The following KIF9 variants were observed in gnomAD, a reference collection of about 807,000 sequenced individuals.
The protein encoded by KIF9 is kinesin family member 9, also known as kinesin-like protein KIF9.
A neutral mutation model predicts 94.8 loss-of-function variants in KIF9; 68 were observed. The observed-to-expected ratio is 0.72, with a 90% CI of 0.59 to 0.88. KIF9 has a LOEUF of 0.88. Ranked by LOEUF, KIF9 falls within the 40% of genes least tolerant of loss-of-function variation. The pLI is 0.00. For synonymous variants in KIF9, 343 were observed against 362.1 expected (o/e 0.95, Z 0.60); for missense variants, 882 against 982.5 (o/e 0.90, Z 1.37).
chr3:47,264,335 A>G lies in KIF9; in HGVS notation c.932T>C (p.Met311Thr), dbSNP rs750462760. The G allele has an allele frequency of 1.9e-6, 3 of 1,613,650 alleles. No homozygotes were observed. In the African/African-American group the frequency reaches 4.0e-5, roughly 22 times the overall value. The change falls in exon 9 of 21, where the codon ATG (methionine) becomes ACG (threonine). Residue 311 changes from methionine to threonine, a missense_variant. Transcript: ENST00000684063. ...TCCATAGATGTTTGTCACGAGGACC[A>G]TATTGCAGTTTCCCCCTGCGGAAAG... is the stretch of plus-strand genomic sequence containing the variant. ...LKDSLGGNCN[M>T]VLVTNIYGEA...
In KIF9 at chr3:47,243,080, G is replaced by C; in HGVS notation, c.1680C>G (p.Asp560Glu). Residue 560 changes from aspartate to glutamate, a missense_variant, in exon 16 of 21, where the codon GAC becomes GAG. Physicochemically the swap from Asp to Glu is conservative, Grantham distance 45. Coordinates refer to ENST00000684063, the MANE Select transcript of KIF9 (RefSeq NM_182902.4). Reference protein sequence around the residue: ...ETSSIEPLPSDSPKEELRPIR... With the variant: ...ETSSIEPLPSESPKEELRPIR... ...TTGGGCGTAATTCCTCCTTCGGGGA[G>C]TCTGAGGGAAGGGGCTCAATGCTGG... 1 of 1,612,546 alleles carries C rather than the reference G, an allele frequency of 6.2e-7. No individual in the cohort carries two copies. Among genetic ancestry groups the C allele is most frequent in the Non-Finnish European group, 8.5e-7 (1 of 1,178,640 alleles).
chr3:47,247,411 C>A lies in KIF9; in HGVS notation c.1195G>T (p.Val399Leu). ...AGTGTCCCCTCCAGGTACCTCCGCA[C>A]CTGGGAGTTGATCTCAGCAATCTGG... Reference protein sequence around the residue: ...EIQIAEINSQVRRYLEGTLDE... With the variant: ...EIQIAEINSQLRRYLEGTLDE... Residue 399 changes from valine to leucine, a missense_variant, in exon 12 of 21, where the codon GTG becomes TTG. By Grantham distance (32) the Val-to-Leu change is conservative (BLOSUM62 1). Coordinates refer to ENST00000684063, the MANE Select transcript of KIF9 (RefSeq NM_182902.4). 6.2e-7 allele frequency: 1 copy of A among 1,613,932 alleles called. No homozygotes were observed. The highest frequency in any genetic ancestry group is 8.5e-7 in the Non-Finnish European group (1 of 1,179,810).
intron 2 of KIF9, 70 bp downstream of exon 2, chr3:47,277,212 A>G: frequency 8.5e-7 from 1 of 1,173,680 alleles, no homozygotes; most frequent in South Asian, 1.3e-5. Context: ...GTTGCTTGGA[A>G]ATACGGTCAC....
chr3:47,235,170 T>G (rs1178688434), intron 20 of KIF9, among the ~76,000 whole-genome samples: 1 of 152,238 alleles, frequency 6.6e-6, no homozygotes, highest in Non-Finnish European at 1.5e-5. Context: ...CTCAGCTGCA[T>G]GTGATCCTCT....
chr3:47,256,990 G>GAGAC (rs1030731085), intron 10 of KIF9, among the ~76,000 whole-genome samples: 6 of 152,088 alleles, frequency 3.9e-5, no homozygotes, highest in Non-Finnish European at 7.4e-5. Context: ...CAAGTACCCG[G>GAGAC]AGACACAAAC....
intron 5 of KIF9, among the ~76,000 whole-genome samples, chr3:47,269,075 T>C (rs760508163): frequency 2.0e-5 from 3 of 152,140 alleles, no homozygotes; most frequent in Non-Finnish European, 4.4e-5. Context: ...CGCCTGGCCT[T>C]GCCTTGTCTT....
chr3:47,277,189 T>G, intron 2 of KIF9, 93 bp downstream of exon 2: 1 of 866,564 alleles, frequency 1.2e-6, no homozygotes, highest in Non-Finnish European at 1.9e-6. Flanking sequence ...AATTCTGTCT[T>G]GGTCCTTCAA....
intron 10 of KIF9, among the ~76,000 whole-genome samples, chr3:47,254,663 G>A (rs1456370397): frequency 2.6e-5 from 4 of 152,124 alleles, no homozygotes; most frequent in African/African-American, 9.7e-5. Flanking sequence ...ACAGCTAATG[G>A]AGGAAAGAGC....
intron 20 of KIF9, chr3:47,231,640 C>A (rs1031364883): frequency 6.6e-6 from 1 of 152,064 alleles, no homozygotes; most frequent in Non-Finnish European, 1.5e-5. Context: ...AGGCTGGTCT[C>A]GAACTCCTGG....
At chr3:47,260,546 G>T (rs62248910) in intron 9 of KIF9, among the ~76,000 whole-genome samples, 2 of 152,244 alleles carry the variant, frequency 1.3e-5, no homozygotes, top group African/African-American at 4.8e-5. Context: ...CTTCCACAGC[G>T]CTTGCTGTGG....
intron 20 of KIF9, among the ~76,000 whole-genome samples, chr3:47,233,658 T>G (rs1698784815): frequency 2.0e-5 from 3 of 151,384 alleles, no homozygotes; most frequent in Admixed American, 1.3e-4. Context: ...ATCATGCCAC[T>G]GCACTCTAGC....
At chr3:47,281,283 G>T in intron 1 of KIF9, 1 of 450,134 alleles carries the variant, frequency 2.2e-6, no homozygotes, top group Non-Finnish European at 4.0e-6. Context: ...AGGACACTTG[G>T]TTTCCAGGTG....
At chr3:47,265,909 G>A in intron 7 of KIF9, 32 bp from the exon 8 acceptor site, 1 of 1,611,594 alleles carries the variant, frequency 6.2e-7, no homozygotes, top group Non-Finnish European at 8.5e-7. Flanking sequence ...CACTTTGGAT[G>A]GAATAAAGCA....
intron 3 of KIF9, among the ~76,000 whole-genome samples, chr3:47,274,921 C>T (rs1701863739): frequency 6.6e-6 from 1 of 152,188 alleles, no homozygotes; most frequent in South Asian, 2.1e-4. Context: ...TTTATACAAT[C>T]CTATACTAGA....
At chr3:47,271,954 T>C (rs1243344682) in intron 4 of KIF9, among the ~76,000 whole-genome samples, 4 of 152,068 alleles carry the variant, frequency 2.6e-5, no homozygotes, top group Non-Finnish European at 5.9e-5. Context: ...ACCCTGTCTC[T>C]ACTAAAATTA....
At chr3:47,257,236 T>C (rs1407561294) in intron 10 of KIF9, among the ~76,000 whole-genome samples, 1 of 152,212 alleles carries the variant, frequency 6.6e-6, no homozygotes, top group Non-Finnish European at 1.5e-5. Flanking sequence ...CCATTTCTAA[T>C]AAGTTCTTTA....
chr3:47,247,826 G>A lies in KIF9; in HGVS notation c.1128+192C>T, dbSNP rs966542277. On this transcript the variant is annotated intron_variant, in intron 11 of 20. Transcript: ENST00000684063. ...CTCTGCCTCGAGGCCCCTCAGGACC[G>A]TTGGAGGACTCTGCTCCCAACCCCT... Among the ~76,000 whole-genome samples the A allele has an allele frequency of 1.4e-4, 21 of 152,258 alleles. 1 individual carries two copies. Among genetic ancestry groups the A allele is most frequent in the Admixed American group, 8.5e-4 (13 of 15,296 alleles).
intron 12 of KIF9, 50 bp downstream of exon 12, chr3:47,247,323 C>A (rs1699989147): frequency 7.8e-7 from 1 of 1,288,796 alleles, no homozygotes; most frequent in African/African-American, 1.5e-5. Flanking sequence ...GTGCCCAGGA[C>A]TGGGAGGCCC....
chr3:47,280,820 TG>T lies in KIF9; in HGVS notation c.-6+1674del. ...CCAAGGCCCTCCCATGCTGACACCATGGCTCCAAGCAGGCCAGGAGCCATAT... is the reference window on the plus strand; with the variant it reads ...CCAAGGCCCTCCCATGCTGACACCATGCTCCAAGCAGGCCAGGAGCCATAT... On this transcript the variant is annotated intron_variant, in intron 1 of 20. Coordinates refer to ENST00000684063, the MANE Select transcript of KIF9 (RefSeq NM_182902.4). 1.0e-5 allele frequency: 7 copies of T among 675,340 alleles called. No individual in the cohort carries two copies. In the South Asian group the frequency reaches 1.1e-4, roughly 11 times the overall value. The allele number at this position is 675,340 out of a possible 1,614,324, so 41.8% of individuals were successfully genotyped here.
Sources: gnomAD v4.1 joint callset for allele counts (sites outside exome capture counted in the v4.1 genomes callset) on GRCh38, gnomAD v4.1.1 for gene constraint, MANE v1.5 for transcripts, NCBI Gene and HGNC (gene_info 2026-07-23, HGNC 2026-07-21) for gene names.